The following ERCC6 variants were observed in gnomAD, a reference collection of about 807,000 sequenced individuals.
The protein encoded by ERCC6 is DNA excision repair protein ERCC-6.
A neutral mutation model predicts 158.7 loss-of-function variants in ERCC6; 116 were observed. The observed-to-expected ratio is 0.73, with a 90% CI of 0.63 to 0.85. The LOEUF is 0.85. Ranked by LOEUF, ERCC6 falls within the 40% of genes least tolerant of loss-of-function variation. ERCC6 has a pLI of 0.00. For synonymous variants in ERCC6, 678 were observed against 659.3 expected (o/e 1.03, Z -0.43); for missense variants, 1,698 against 1,799.4 (o/e 0.94, Z 1.02).
chr10:49,478,485 G>C lies in ERCC6; in HGVS notation c.2170-15C>G. ...GCAGTTTTGACCTTTAATAAGAGCA[G>C]AGAAGGGAACATTACTATATATGTT... is the stretch of plus-strand genomic sequence containing the variant. On this transcript the variant is annotated splice_polypyrimidine_tract_variant and intron_variant, in intron 10 of 20. Transcript: ENST00000355832. 1 of 1,465,366 alleles carries C rather than the reference G, an allele frequency of 6.8e-7. No homozygotes were observed. The highest frequency in any genetic ancestry group is 9.6e-7 in the Non-Finnish European group (1 of 1,046,950). 90.8% of individuals were successfully genotyped at this position (1,465,366 alleles called of 1,614,324 possible).
intron 1 of ERCC6, among the ~76,000 whole-genome samples, chr10:49,537,598 AC>A (rs1371806141): frequency 1.3e-5 from 2 of 152,060 alleles, no homozygotes; most frequent in East Asian, 3.9e-4. Flanking sequence ...AATGAGAGAA[AC>A]CAAATTGAAA....
intron 5 of ERCC6, among the ~76,000 whole-genome samples, chr10:49,510,803 T>C (rs1851520366): frequency 6.6e-6 from 1 of 152,174 alleles, no homozygotes; most frequent in Non-Finnish European, 1.5e-5. Flanking sequence ...AATGGGGTCA[T>C]CCAGAAATGG....
rs1850470039 is a variant in ERCC6, at chr10:49,455,495, A to T, written c.*3320T>A. ...AAGGAACTTGCCCATGAATGGCAAA[A>T]CACAATGCAAAGCACCAAATGACAG... On this transcript the variant is annotated 3_prime_UTR_variant, in exon 21 of 21. Transcript: ENST00000355832. 6.6e-6 allele frequency: 1 copy of T among 152,268 alleles called. No homozygotes were observed. The highest frequency in any genetic ancestry group is 2.1e-4 in the South Asian group (1 of 4,836). 9.4% of individuals were successfully genotyped at this position (152,268 alleles called of 1,614,324 possible). A position where few individuals can be genotyped will look rare whatever the true frequency, so the allele number is the denominator to read the frequency against.
rs184274103 is a variant in ERCC6, at chr10:49,465,655, G to A, written c.3779-4099C>T. 2.6e-5 allele frequency among the ~76,000 whole-genome samples: 4 copies of A among 152,286 alleles called. No individual in the cohort carries two copies. In the East Asian group the frequency reaches 7.7e-4, roughly 29 times the overall value. ...TGAATTATGGGGTTGGGTCTTTCCT[G>A]TGCTGTTCTTGTACTAGTGAATGAG... On this transcript the variant is annotated intron_variant, in intron 18 of 20. Transcript: ENST00000355832.
the ERCC6 span, among the ~76,000 whole-genome samples, chr10:49,443,442 G>A: frequency 6.6e-6 from 1 of 152,290 alleles, no homozygotes; most frequent in African/African-American, 2.4e-5. Flanking sequence ...CTATAATAGA[G>A]CTAAAAAATT....
intron 5 of ERCC6, chr10:49,516,271 AC>A (rs1295967070): frequency 6.2e-7 from 1 of 1,614,060 alleles, no homozygotes; most frequent in Non-Finnish European, 8.5e-7. Flanking sequence ...AATTGTTTGC[AC>A]CCGTGACGAC....
Position 49,516,504 on chromosome 10 carries a change from T to C in ERCC6, c.1397+7529A>G, listed in dbSNP as rs371898033. On this transcript the variant is annotated intron_variant, in intron 5 of 20. Transcript: ENST00000355832. ...CAGTACATTATGCACATCTGTTCTTTGTTCCCAAAACATACGCCTTCTAGG... is the reference window on the plus strand; with the variant it reads ...CAGTACATTATGCACATCTGTTCTTCGTTCCCAAAACATACGCCTTCTAGG... 4.3e-6 allele frequency: 7 copies of C among 1,614,088 alleles called. No homozygotes were observed. The highest frequency in any genetic ancestry group is 1.3e-5 in the African/African-American group (1 of 74,930).
chr10:49,521,498 G>A (rs1418739604), intron 5 of ERCC6, among the ~76,000 whole-genome samples: 1 of 152,212 alleles, frequency 6.6e-6, no homozygotes. Flanking sequence ...ACAACCAACA[G>A]CCATAAGCAA....
the ERCC6 span, among the ~76,000 whole-genome samples, chr10:49,436,754 A>G: frequency 6.6e-6 from 1 of 152,204 alleles, no homozygotes; most frequent in Non-Finnish European, 1.5e-5. Flanking sequence ...AACCTCACTC[A>G]TGTGTACCGG....
chr10:49,461,434 G>T lies in ERCC6; in HGVS notation c.3901C>A (p.Arg1301Ser). 1 of 1,614,174 alleles carries T rather than the reference G, an allele frequency of 6.2e-7. No homozygotes were observed. Among genetic ancestry groups the T allele is most frequent in the South Asian group, 1.1e-5 (1 of 91,068 alleles). The change falls in exon 19 of 21, where the codon CGT becomes AGT. Residue 1301 changes from arginine to serine, a missense_variant. Arg to Ser is a moderately radical substitution (Grantham distance 110, BLOSUM62 -1). Coordinates refer to ENST00000355832, the MANE Select transcript of ERCC6 (RefSeq NM_000124.4). The stretch of plus-strand genomic sequence containing the variant: ...GACACTGCTCCCAGACACCGCTGAC[G>T]AGAGAGCCTCAGTGCTTTCAGGGCA... ...QDALKALRLS[R>S]QRCLGAVSGV...
At chr10:49,527,534 G>A (rs1412089907) in intron 4 of ERCC6, among the ~76,000 whole-genome samples, 2 of 152,086 alleles carry the variant, frequency 1.3e-5, no homozygotes, top group South Asian at 4.1e-4. Flanking sequence ...AAATTAGCTG[G>A]GCATGGTGGT....
At chr10:49,516,853 C>T (rs778457795) in intron 5 of ERCC6, 4 of 1,614,174 alleles carry the variant, frequency 2.5e-6, no homozygotes, top group Non-Finnish European at 3.4e-6. Flanking sequence ...GGAACTTCAT[C>T]AGGAGAGTCA....
rs759080988 is a variant in ERCC6, at chr10:49,483,371, G to C, written c.1967C>G (p.Ala656Gly). ...CTGTTTGCAAGCAAGGGTGACAGCA[G>C]CATTTGGATTTCGAATTTTGTGTCC... ...DEGHKIRNPN[A>G]AVTLACKQFR... The change falls in exon 9 of 21, where the codon GCT becomes GGT. Residue 656 changes from alanine (A) to glycine (G), a missense_variant. Physicochemically the swap from Ala to Gly is moderately conservative, Grantham distance 60. Transcript: ENST00000355832. 2 of 1,614,130 alleles carry C rather than the reference G, an allele frequency of 1.2e-6. No homozygotes were observed. The highest frequency in any genetic ancestry group is 2.2e-5 in the South Asian group (2 of 91,082).
In ERCC6 at chr10:49,484,751, A is replaced by G. The variant is rs144312638; in HGVS notation, c.1822-1235T>C. ...CAAGATCCTGACTCAAAAGAGAAAAATGTTTTTAAAAATAAGGAGAAAATG... is the reference window on the plus strand; with the variant it reads ...CAAGATCCTGACTCAAAAGAGAAAAGTGTTTTTAAAAATAAGGAGAAAATG... On this transcript the variant is annotated intron_variant, in intron 8 of 20. Coordinates refer to ENST00000355832, the MANE Select transcript of ERCC6 (RefSeq NM_000124.4). Among the ~76,000 whole-genome samples, 225 of 152,346 alleles carry G rather than the reference A, an allele frequency of 1.5e-3. 7 individuals carry two copies. In the East Asian group the frequency reaches 0.032, roughly 22 times the overall value.
At chr10:49,519,460 T>C (rs1837087102) in intron 5 of ERCC6, among the ~76,000 whole-genome samples, 1 of 152,194 alleles carries the variant, frequency 6.6e-6, no homozygotes, top group African/African-American at 2.4e-5. Context: ...TAGGGACTCA[T>C]CAGAAGTGCT....
At chr10:49,512,193 C>T (rs1455329090) in intron 5 of ERCC6, among the ~76,000 whole-genome samples, 1 of 152,198 alleles carries the variant, frequency 6.6e-6, no homozygotes, top group African/African-American at 2.4e-5. Flanking sequence ...TCACTCCATA[C>T]TGGTCAGTCA....
At chr10:49,491,469 T>G (rs762728438) in intron 8 of ERCC6, among the ~76,000 whole-genome samples, 1 of 152,162 alleles carries the variant, frequency 6.6e-6, no homozygotes. Flanking sequence ...ACTGAAAAAA[T>G]TATTAACAAC....
At chr10:49,517,268 G>T in intron 5 of ERCC6, 1 of 1,215,468 alleles carries the variant, frequency 8.2e-7, no homozygotes, top group Non-Finnish European at 1.1e-6. Flanking sequence ...AGCATAACTA[G>T]TAGAGAAGTT....
At chr10:49,489,823 T>C (rs543526727) in intron 8 of ERCC6, among the ~76,000 whole-genome samples, 36 of 152,356 alleles carry the variant, frequency 2.4e-4, no homozygotes, top group East Asian at 1.2e-3. Context: ...GGGATAGGTA[T>C]CACAAGACTG....
Sources: allele counts gnomAD v4.1 joint callset (sites outside exome capture counted in the v4.1 genomes callset), GRCh38; gene constraint gnomAD v4.1.1; transcripts MANE v1.5; gene names NCBI Gene and HGNC (gene_info 2026-07-23, HGNC 2026-07-21).